The following OSBPL1A variants were observed in gnomAD, a reference collection of about 807,000 sequenced individuals.
The protein encoded by OSBPL1A is oxysterol binding protein like 1A, also known as oxysterol-binding protein-related protein 1.
A neutral mutation model predicts 137.1 loss-of-function variants in OSBPL1A; 80 were observed. The ratio of observed to expected loss-of-function variants is 0.58; its 90% CI spans 0.49 to 0.70. OSBPL1A has a LOEUF of 0.70. Ranked by LOEUF, OSBPL1A falls within the 30% of genes least tolerant of loss-of-function variation. OSBPL1A has a pLI of 0.00. For synonymous variants in OSBPL1A, 365 were observed against 389.7 expected, an observed-to-expected ratio of 0.94 and a Z score of 0.75; for missense variants, 970 against 1,129.4, an observed-to-expected ratio of 0.86 and a Z score of 2.02.
intron 15 of OSBPL1A, among the ~76,000 whole-genome samples, chr18:24,247,945 G>A (rs920744635): frequency 6.6e-6 from 1 of 152,132 alleles, no homozygotes; most frequent in African/African-American, 2.4e-5. Context: ...GCTTTTACAT[G>A]GATAGAAAAG....
chr18:24,186,244 T>TA, intron 18 of OSBPL1A, among the ~76,000 whole-genome samples: 1 of 152,160 alleles, frequency 6.6e-6, no homozygotes, highest in Admixed American at 6.5e-5. Context: ...TTAAGGCAAT[T>TA]AAAGAGTTTG....
At chr18:24,301,821 C>T (rs1483426285) in intron 14 of OSBPL1A, among the ~76,000 whole-genome samples, 1 of 152,180 alleles carries the variant, frequency 6.6e-6, no homozygotes, top group Non-Finnish European at 1.5e-5. Context: ...TACACTTGGA[C>T]AGATACAGAA....
chr18:24,302,055 C>A (rs1482956166), intron 14 of OSBPL1A, among the ~76,000 whole-genome samples: 1 of 151,784 alleles, frequency 6.6e-6, no homozygotes, highest in Non-Finnish European at 1.5e-5. Flanking sequence ...GGTGAAACCC[C>A]GTCTCTACTA....
At chr18:24,358,657 C>T in intron 4 of OSBPL1A, 1 of 638,678 alleles carries the variant, frequency 1.6e-6, no homozygotes, top group Non-Finnish European at 2.8e-6. Context: ...AATCCTAAAG[C>T]CCAGGATTAT....
chr18:24,325,929 AT>A (rs1283946770), intron 7 of OSBPL1A, among the ~76,000 whole-genome samples: 2 of 152,116 alleles, frequency 1.3e-5, no homozygotes, highest in Middle Eastern at 3.4e-3. Context: ...TTTTAATTTT[AT>A]TTTTTTTCAG....
intron 17 of OSBPL1A, among the ~76,000 whole-genome samples, chr18:24,223,866 G>T (rs370805293): frequency 1.3e-5 from 2 of 152,170 alleles, no homozygotes; most frequent in South Asian, 2.1e-4. Context: ...AGACTGGCAT[G>T]GTGTATGTGT....
At chr18:24,344,795 G>C (rs1382165842) in intron 4 of OSBPL1A, among the ~76,000 whole-genome samples, 1 of 151,940 alleles carries the variant, frequency 6.6e-6, no homozygotes, top group Non-Finnish European at 1.5e-5. Flanking sequence ...CAAAAGAAAA[G>C]AGAATGTGGG....
intron 14 of OSBPL1A, among the ~76,000 whole-genome samples, chr18:24,286,104 C>T (rs948641987): frequency 6.6e-6 from 1 of 152,136 alleles, no homozygotes; most frequent in Admixed American, 6.5e-5. Context: ...CTGCAGTGAG[C>T]CAAGATCGCG....
intron 18 of OSBPL1A, among the ~76,000 whole-genome samples, chr18:24,183,435 C>CT (rs35407694): frequency 0.024 from 3,311 of 139,250 alleles, 126 homozygotes; most frequent in African/African-American, 0.08. Context: ...TTTTCTTTTT[C>CT]TTTTTTTTTT....
intron 18 of OSBPL1A, among the ~76,000 whole-genome samples, chr18:24,181,749 A>G (rs1178220658): frequency 6.6e-6 from 1 of 152,214 alleles, no homozygotes; most frequent in Admixed American, 6.5e-5. Flanking sequence ...AGCCTCACCA[A>G]TCAGAAACTG....
At chr18:24,386,904 C>CT (rs1906993978) in intron 1 of OSBPL1A, among the ~76,000 whole-genome samples, 1 of 152,020 alleles carries the variant, frequency 6.6e-6, no homozygotes, top group Non-Finnish European at 1.5e-5. Context: ...CTACAGTGAG[C>CT]CATGATTACA....
At chr18:24,283,249 A>T (rs564067986) in intron 14 of OSBPL1A, among the ~76,000 whole-genome samples, 2 of 136,374 alleles carry the variant, frequency 1.5e-5, no homozygotes, top group East Asian at 4.3e-4. Flanking sequence ...TGGGAGACAG[A>T]GCAAGACTCC....
chr18:24,388,991 A>C (rs1396971619), intron 1 of OSBPL1A, among the ~76,000 whole-genome samples: 1 of 152,176 alleles, frequency 6.6e-6, no homozygotes, highest in Non-Finnish European at 1.5e-5. Context: ...TTTTTAAGGA[A>C]TCATCTAAAT....
chr18:24,203,162 A>G (rs1397371675), intron 17 of OSBPL1A, among the ~76,000 whole-genome samples: 1 of 152,106 alleles, frequency 6.6e-6, no homozygotes, highest in Non-Finnish European at 1.5e-5. Flanking sequence ...TTTTTAGTAG[A>G]GATGGGGTTT....
chr18:24,214,115 G>A (rs149218280), intron 17 of OSBPL1A, among the ~76,000 whole-genome samples: 1 of 152,292 alleles, frequency 6.6e-6, no homozygotes, highest in African/African-American at 2.4e-5. Flanking sequence ...CTAGGGACAA[G>A]GTCACTATTC....
chr18:24,258,284 A>AT (rs2089343055), intron 15 of OSBPL1A, among the ~76,000 whole-genome samples: 1 of 152,342 alleles, frequency 6.6e-6, no homozygotes, highest in East Asian at 1.9e-4. Context: ...CCATTCAGCC[A>AT]TAAAAAAAAG....
intron 4 of OSBPL1A, chr18:24,358,105 C>G (rs1470861549): frequency 3.7e-6 from 1 of 268,928 alleles, no homozygotes; most frequent in Non-Finnish European, 7.0e-6. Flanking sequence ...CGTGGAAGAA[C>G]AGGTTTAGCA....
chr18:24,380,103 A>T (rs1599734907), intron 1 of OSBPL1A, among the ~76,000 whole-genome samples: 1 of 152,350 alleles, frequency 6.6e-6, no homozygotes, highest in Middle Eastern at 3.4e-3. Flanking sequence ...AGCAATACCT[A>T]AAAGTTCTGG....
intron 15 of OSBPL1A, among the ~76,000 whole-genome samples, chr18:24,263,740 A>T (rs1307574170): frequency 2.6e-5 from 4 of 152,070 alleles, no homozygotes; most frequent in Admixed American, 1.3e-4. Context: ...GGTTCAAGTG[A>T]TTCTCCTGCC....
Sources: gnomAD v4.1 joint callset for allele counts (sites outside exome capture counted in the v4.1 genomes callset) on GRCh38, gnomAD v4.1.1 for gene constraint, MANE v1.5 for transcripts, NCBI Gene and HGNC (gene_info 2026-07-23, HGNC 2026-07-21) for gene names.